IDO2: variants seen among roughly 807,000 people sequenced by gnomAD.
IDO2 encodes indoleamine 2,3-dioxygenase-like 1 protein.
In IDO2, 46 loss-of-function variants were observed where a neutral mutation model predicts 45.1. The observed-to-expected ratio is 1.02, with a 90% CI of 0.80 to 1.30. The LOEUF (loss-of-function observed/expected upper bound fraction) is 1.30, where lower values mean the gene tolerates loss of function less well. Among genes scored for constraint, IDO2 ranks in the 50% most tolerant of loss-of-function variants. IDO2 has a pLI of 0.00. For missense variants in IDO2, 544 were observed against 491.8 expected, an observed-to-expected ratio of 1.11 and a Z score of -1.00; for synonymous variants, 218 against 184.9, an observed-to-expected ratio of 1.18 and a Z score of -1.45.
At chr8:39,979,815 A>T (rs939316459) in intron 4 of IDO2, among the ~76,000 whole-genome samples, 1 of 151,304 alleles carries the variant, frequency 6.6e-6, no homozygotes, top group African/African-American at 2.4e-5. Context: ...CCTGCATTTG[A>T]AGGCAGATTG....
At chr8:39,970,967 A>G (rs1005588989) in intron 3 of IDO2, among the ~76,000 whole-genome samples, 37 of 151,540 alleles carry the variant, frequency 2.4e-4, no homozygotes, top group Non-Finnish European at 3.2e-4. Context: ...GGGTTTCACC[A>G]TGTTGGCCAA....
At chr8:39,984,871 A>G in intron 5 of IDO2, 1 of 427,186 alleles carries the variant, frequency 2.3e-6, no homozygotes, top group Non-Finnish European at 4.6e-6. Flanking sequence ...TCAACTAGCT[A>G]GAATAAAATG....
At chr8:39,982,624 G>T in intron 4 of IDO2, 28 bp from the exon 5 acceptor site, 1 of 1,407,082 alleles carries the variant, frequency 7.1e-7, no homozygotes, top group Non-Finnish European at 9.9e-7. Flanking sequence ...TCTAGAATAT[G>T]CTATTTGTCT....
At chr8:39,941,361 A>C (rs1807640838) in intron 1 of IDO2, among the ~76,000 whole-genome samples, 1 of 152,202 alleles carries the variant, frequency 6.6e-6, no homozygotes, top group Non-Finnish European at 1.5e-5. Context: ...ATGAATAACC[A>C]GACCAAAGAA....
At chr8:39,952,267 A>T (rs1244257466) in intron 2 of IDO2, among the ~76,000 whole-genome samples, 1 of 152,172 alleles carries the variant, frequency 6.6e-6, no homozygotes. Context: ...GGGACACCAG[A>T]TCTTACTTTC....
At chr8:39,936,018 G>A (rs774852198) in intron 1 of IDO2, among the ~76,000 whole-genome samples, 15 of 152,094 alleles carry the variant, frequency 9.9e-5, no homozygotes, top group Non-Finnish European at 2.1e-4. Flanking sequence ...GTATATCCAG[G>A]GATGGAGATA....
intron 8 of IDO2, among the ~76,000 whole-genome samples, chr8:39,999,100 C>G (rs1370051934): frequency 2.0e-5 from 3 of 152,064 alleles, no homozygotes; most frequent in Non-Finnish European, 2.9e-5. Context: ...TTGCTAGCAG[C>G]TATATTCTTT....
intron 2 of IDO2, among the ~76,000 whole-genome samples, chr8:39,950,259 G>A (rs1807793359): frequency 6.6e-6 from 1 of 152,204 alleles, no homozygotes; most frequent in Non-Finnish European, 1.5e-5. Flanking sequence ...GCCAGGTGCA[G>A]TGGCTCACGC....
chr8:39,991,618 T>A (rs1801931630), intron 8 of IDO2, among the ~76,000 whole-genome samples: 1 of 145,292 alleles, frequency 6.9e-6, no homozygotes, highest in Non-Finnish European at 1.5e-5. Context: ...TCACTCAGGC[T>A]GGAGTGCAGT....
chr8:39,968,721 G>A (rs1218088430), intron 3 of IDO2, among the ~76,000 whole-genome samples: 2 of 151,754 alleles, frequency 1.3e-5, no homozygotes, highest in Admixed American at 6.6e-5. Flanking sequence ...GGGGTGGGGG[G>A]CTAGGGGAGG....
chr8:39,940,698 A>G (rs1300822500), intron 1 of IDO2, among the ~76,000 whole-genome samples: 2 of 151,998 alleles, frequency 1.3e-5, no homozygotes, highest in East Asian at 3.9e-4. Flanking sequence ...TCTAACTATA[A>G]TTTTGTACCC....
chr8:40,013,798 T>A, intron 10 of IDO2, 85 bp downstream of exon 10: 1 of 1,027,770 alleles, frequency 9.7e-7, no homozygotes, highest in African/African-American at 1.6e-5. Flanking sequence ...TAAAACCAAA[T>A]ATAAATTAAA....
At chr8:39,934,854 A>G (rs989853866) in exon 1 of IDO2, 15 of 414,102 alleles carry the variant, frequency 3.6e-5, no homozygotes, top group African/African-American at 2.7e-4. Context: ...ACTTTGCCAC[A>G]GAAAGAAGAT....
intron 2 of IDO2, among the ~76,000 whole-genome samples, chr8:39,959,283 A>AT (rs68172769): frequency 2.8e-4 from 41 of 147,478 alleles, no homozygotes; most frequent in African/African-American, 8.6e-4. Flanking sequence ...AATTTTTTCT[A>AT]TTTTTTTTTT....
chr8:39,991,586 T>A (rs1273036220), intron 8 of IDO2, among the ~76,000 whole-genome samples: 6 of 116,288 alleles, frequency 5.2e-5, no homozygotes, highest in Admixed American at 3.6e-4. Context: ...TTTTTTTTTT[T>A]GTGAGATGGA....
chr8:39,975,470 A>C (rs1276551634), intron 3 of IDO2, among the ~76,000 whole-genome samples: 1 of 152,204 alleles, frequency 6.6e-6, no homozygotes, highest in Non-Finnish European at 1.5e-5. Flanking sequence ...ATAAAAAACA[A>C]TGTTCAACAG....
At chr8:39,954,751 G>A (rs1056640176) in intron 2 of IDO2, among the ~76,000 whole-genome samples, 1 of 150,360 alleles carries the variant, frequency 6.7e-6, no homozygotes, top group Non-Finnish European at 1.5e-5. Flanking sequence ...TGCCTCCCGG[G>A]TTCAAGCAAT....
chr8:39,999,597 A>G (rs1401985082), intron 8 of IDO2, among the ~76,000 whole-genome samples: 2 of 150,180 alleles, frequency 1.3e-5, no homozygotes, highest in African/African-American at 2.5e-5. Flanking sequence ...TAAACTTTTT[A>G]TTTTTACAGG....
chr8:39,965,393 A>C (rs901505180), intron 3 of IDO2, among the ~76,000 whole-genome samples: 2 of 152,210 alleles, frequency 1.3e-5, no homozygotes, highest in African/African-American at 4.8e-5. Flanking sequence ...AGGCTGGGGC[A>C]GAAGAATCAC....
Sources: gnomAD v4.1 joint callset for allele counts (sites outside exome capture counted in the v4.1 genomes callset) on GRCh38, gnomAD v4.1.1 for gene constraint, MANE v1.5 for transcripts, NCBI Gene and HGNC (gene_info 2026-07-23, HGNC 2026-07-21) for gene names.